The following ANO1 variants were observed in gnomAD, a reference collection of about 807,000 sequenced individuals.
ANO1 encodes the protein anoctamin 1, also known as anoctamin-1.
A neutral mutation model predicts 124.0 loss-of-function variants in ANO1; 59 were observed. That is an observed-to-expected ratio of 0.48 (90% CI 0.39 to 0.59). The LOEUF (loss-of-function observed/expected upper bound fraction) is 0.59. Among genes scored for constraint, ANO1 ranks in the 20% least tolerant of loss-of-function variants. ANO1 has a pLI of 0.00. For missense variants in ANO1, 1,059 were observed against 1,328.0 expected, an observed-to-expected ratio of 0.80 and a Z score of 3.15; for synonymous variants, 529 against 532.0, an observed-to-expected ratio of 0.99 and a Z score of 0.08.
At chr11:70,149,432 C>T (rs926510731) in intron 11 of ANO1, 1 of 400,196 alleles carries the variant, frequency 2.5e-6, no homozygotes, top group Non-Finnish European at 4.7e-6. Context: ...AGGTGGATCA[C>T]CTGAGGTCAG....
chr11:70,039,124 A>G (rs377733068), intron 1 of ANO1, among the ~76,000 whole-genome samples: 1 of 152,196 alleles, frequency 6.6e-6, no homozygotes, highest in Non-Finnish European at 1.5e-5. Context: ...AAAGGTTTTC[A>G]TCCAACATGG....
intron 1 of ANO1, among the ~76,000 whole-genome samples, chr11:70,070,183 G>T (rs1857835850): frequency 6.6e-6 from 1 of 152,026 alleles, no homozygotes; most frequent in Admixed American, 6.6e-5. Context: ...ATTTTTCTAG[G>T]TCTCTGTGGC....
chr11:70,108,187 G>A (rs945804589), intron 5 of ANO1, 166 bp from the exon 6 acceptor site: 1 of 588,070 alleles, frequency 1.7e-6, no homozygotes, highest in Non-Finnish European at 2.9e-6. Flanking sequence ...TCCGGAGCTG[G>A]GTCAACCCTC....
upstream of ANO1, among the ~76,000 whole-genome samples, chr11:70,077,881 C>G (rs2044082866): frequency 6.6e-6 from 1 of 152,198 alleles, no homozygotes; most frequent in South Asian, 2.1e-4. Flanking sequence ...CCGGGAGAGA[C>G]TCCCCCAGGA....
intron 1 of ANO1, among the ~76,000 whole-genome samples, chr11:70,035,574 G>T (rs1408104522): frequency 2.0e-5 from 3 of 150,376 alleles, no homozygotes; most frequent in Non-Finnish European, 4.4e-5. Context: ...GAACGTGCAG[G>T]TTTGTTACAT....
At chr11:70,144,879 G>C (rs2047297930) in intron 11 of ANO1, among the ~76,000 whole-genome samples, 1 of 152,220 alleles carries the variant, frequency 6.6e-6, no homozygotes, top group Non-Finnish European at 1.5e-5. Context: ...CAGAACCTCA[G>C]CTATGTGTCT....
chr11:69,993,850 G>C (rs1488180872), intron 1 of ANO1, among the ~76,000 whole-genome samples: 1 of 152,110 alleles, frequency 6.6e-6, no homozygotes, highest in East Asian at 1.9e-4. Flanking sequence ...TGGCCTCACT[G>C]GCCTTCCTAT....
chr11:70,108,253 C>T (rs76740530), intron 5 of ANO1, 100 bp from the exon 6 acceptor site: 35,244 of 1,194,052 alleles, frequency 0.03, 654 homozygotes, highest in Non-Finnish European at 0.032. Context: ...GGTCTTCATG[C>T]GTAACGTGTG....
chr11:70,015,981 C>T (rs782695894), intron 1 of ANO1, among the ~76,000 whole-genome samples: 7 of 152,066 alleles, frequency 4.6e-5, no homozygotes, highest in South Asian at 2.1e-4. Context: ...GGGGTGCAGA[C>T]GATGAACTGC....
intron 2 of ANO1, among the ~76,000 whole-genome samples, chr11:70,101,375 G>T (rs1016350697): frequency 1.3e-5 from 2 of 151,854 alleles, no homozygotes; most frequent in African/African-American, 4.8e-5. Flanking sequence ...GGCCAACATG[G>T]TGAAACCCCG....
chr11:70,139,379 A>G (rs918007163), intron 11 of ANO1, among the ~76,000 whole-genome samples: 3 of 152,008 alleles, frequency 2.0e-5, no homozygotes, highest in Non-Finnish European at 2.9e-5. Context: ...GCTGGAGTGC[A>G]GTGGCGCGAT....
intron 1 of ANO1, among the ~76,000 whole-genome samples, chr11:70,057,441 T>TGTGC (rs1857465138): frequency 6.6e-6 from 1 of 151,462 alleles, no homozygotes; most frequent in Admixed American, 6.6e-5. Flanking sequence ...ATTTTGTGTG[T>TGTGC]GTGTGTGTGT....
intron 22 of ANO1, among the ~76,000 whole-genome samples, chr11:70,175,002 T>C (rs989886117): frequency 6.6e-6 from 1 of 152,116 alleles, no homozygotes. Context: ...CAGCCGACAG[T>C]ACCCCACCCC....
In ANO1 at chr11:70,111,776, A is replaced by T; in HGVS notation, c.855+14A>T. The T allele has an allele frequency of 6.2e-7, 1 of 1,613,840 alleles. No homozygotes were observed. The highest frequency in any genetic ancestry group is 1.1e-5 in the South Asian group (1 of 91,080). The stretch of plus-strand genomic sequence containing the variant: ...CCACTGCACGATGTAAGTAACCTTG[A>T]CACACGATTTATCTCTGCGTCATTT... On this transcript the variant is annotated intron_variant, in intron 7 of 25. Coordinates refer to ENST00000355303, the MANE Select transcript of ANO1 (RefSeq NM_018043.7).
At position 70,095,402 on chromosome 11, in the gene ANO1, G is replaced by GAA. The variant is rs1439385009; in HGVS notation, c.441+7320_441+7321dup. Among the ~76,000 whole-genome samples the GAA allele has an allele frequency of 1.2e-3, 57 of 48,370 alleles. 2 individuals are homozygous for GAA. The highest frequency in any genetic ancestry group is 0.01 in the Middle Eastern group (1 of 96). The allele number at this position is 48,370 out of a possible 152,430, so 31.7% of individuals were successfully genotyped here. On this transcript the variant is annotated intron_variant, in intron 2 of 25. Coordinates refer to ENST00000355303, the MANE Select transcript of ANO1 (RefSeq NM_018043.7). ...AGAAAGAAAGAAAGAAAGAAAGAAA[G>GAA]AAAGAAAGAAAGAAAGAAAGAAAGA...
intron 1 of ANO1, among the ~76,000 whole-genome samples, chr11:69,990,820 C>T (rs1856139320): frequency 6.6e-6 from 1 of 152,034 alleles, no homozygotes; most frequent in Non-Finnish European, 1.5e-5. Context: ...AGTTGTTTGT[C>T]TTTTTGGTTG....
At chr11:69,992,615 C>T (rs1856178676) in intron 1 of ANO1, among the ~76,000 whole-genome samples, 1 of 152,190 alleles carries the variant, frequency 6.6e-6, no homozygotes, top group Non-Finnish European at 1.5e-5. Flanking sequence ...GCCACTCTCT[C>T]TCCTGGCTCC....
Position 70,056,865 on chromosome 11 carries a change from A to G in ANO1, c.59-21677A>G, listed in dbSNP as rs558873796. Among the ~76,000 whole-genome samples, 3 of 146,036 alleles carry G rather than the reference A, an allele frequency of 2.1e-5. No individual in the cohort carries two copies. In the South Asian group the frequency reaches 6.4e-4, roughly 31 times the overall value. On this transcript the variant is annotated intron_variant, in intron 1 of 27. Coordinates refer to the ANO1 transcript ENST00000531349. Reference sequence around the variant, plus strand: ...TTTTTTTTCCTGTGCTTCAATTTCAATGCTTTCTGTTAACCATCTTTCAGT... The same window carrying G: ...TTTTTTTTCCTGTGCTTCAATTTCAGTGCTTTCTGTTAACCATCTTTCAGT...
intron 10 of ANO1, chr11:70,129,348 C>T (rs1427078468): frequency 6.6e-6 from 1 of 152,272 alleles, no homozygotes; most frequent in Non-Finnish European, 1.5e-5. Flanking sequence ...AACCTATTAA[C>T]ACGGCTTCTC....
Sources: allele counts gnomAD v4.1 joint callset (sites outside exome capture counted in the v4.1 genomes callset), GRCh38; gene constraint gnomAD v4.1.1; transcripts MANE v1.5; gene names NCBI Gene and HGNC (gene_info 2026-07-23, HGNC 2026-07-21).